CDC73: variants seen among roughly 807,000 people sequenced by gnomAD.
CDC73 encodes cell division cycle 73.
In CDC73, 21 loss-of-function variants were observed where a neutral mutation model predicts 83.7. The ratio of observed to expected loss-of-function variants is 0.25; its 90% CI spans 0.18 to 0.36. CDC73 has a LOEUF of 0.36. Among genes scored for constraint, CDC73 ranks in the 10% least tolerant of loss-of-function variants. CDC73 has a pLI of 1.00. For missense variants in CDC73, 342 were observed against 653.3 expected, an observed-to-expected ratio of 0.52 and a Z score of 5.19; for synonymous variants, 224 against 212.9, an observed-to-expected ratio of 1.05 and a Z score of -0.45.
chr1:193,189,098 C>T (rs945107036), intron 10 of CDC73, among the ~76,000 whole-genome samples: 12 of 151,900 alleles, frequency 7.9e-5, no homozygotes, highest in African/African-American at 2.7e-4. Context: ...GGATTACAGG[C>T]GTGTGCCACC....
Position 193,183,854 on chromosome 1 carries a change from A to T in CDC73, c.973-19941A>T, listed in dbSNP as rs141916432. 4.6e-3 allele frequency among the ~76,000 whole-genome samples: 702 copies of T among 151,872 alleles called. 6 individuals are homozygous for T. The highest frequency in any genetic ancestry group is 0.016 in the African/African-American group (650 of 41,502). ...ATCTGGTTGAAGTCCAATTATACAG[A>T]TTTTTTTTAAAGTGTAAATTTGATG... On this transcript the variant is annotated intron_variant, in intron 10 of 16. Coordinates refer to ENST00000367435, the MANE Select transcript of CDC73 (RefSeq NM_024529.5).
At chr1:193,224,990 G>A (rs139462342) in intron 13 of CDC73, among the ~76,000 whole-genome samples, 32 of 152,052 alleles carry the variant, frequency 2.1e-4, no homozygotes, top group African/African-American at 7.2e-4. Flanking sequence ...CACCCGAACC[G>A]TATATGCTGA....
chr1:193,232,306 ACTTTTTCATTTCAAATGAC>A (rs971134982), intron 13 of CDC73, among the ~76,000 whole-genome samples: 6 of 152,208 alleles, frequency 3.9e-5, no homozygotes, highest in Admixed American at 1.3e-4. Context: ...AGCCACAACA[ACTTTTTCATTTCAAATGAC>A]CTTTTGATTT....
At chr1:193,156,744 G>T (rs561691969) in intron 10 of CDC73, among the ~76,000 whole-genome samples, 2 of 152,244 alleles carry the variant, frequency 1.3e-5, no homozygotes, top group African/African-American at 4.8e-5. Flanking sequence ...TTCTGGAGTT[G>T]AGTGTAGAGT....
At chr1:193,174,230 G>A (rs1244366211) in intron 10 of CDC73, among the ~76,000 whole-genome samples, 1 of 151,660 alleles carries the variant, frequency 6.6e-6, no homozygotes, top group African/African-American at 2.4e-5. Flanking sequence ...TGTTTGTCTG[G>A]AACATTCTTC....
At chr1:193,144,348 T>G (rs1675957858) in intron 7 of CDC73, among the ~76,000 whole-genome samples, 1 of 151,938 alleles carries the variant, frequency 6.6e-6, no homozygotes, top group Non-Finnish European at 1.5e-5. Context: ...AGGAAGATGT[T>G]AATCACCTGT....
chr1:193,167,641 G>T (rs1436267479), intron 10 of CDC73, among the ~76,000 whole-genome samples: 2 of 151,988 alleles, frequency 1.3e-5, no homozygotes, highest in Non-Finnish European at 2.9e-5. Context: ...TCTCAAATTT[G>T]CTTCACAGCC....
At chr1:193,177,358 C>CAAAAAAACAAAA (rs1676624262) in intron 10 of CDC73, among the ~76,000 whole-genome samples, 1 of 69,542 alleles carries the variant, frequency 1.4e-5, no homozygotes, top group African/African-American at 5.7e-5. Flanking sequence ...ACTAAAAATA[C>CAAAAAAACAAAA]AAAAAAAAAA....
chr1:193,180,121 A>T (rs1676686838), intron 10 of CDC73: 2 of 554,494 alleles, frequency 3.6e-6, no homozygotes, highest in African/African-American at 2.0e-5. Flanking sequence ...CTTTTTTGTT[A>T]TATAATGTTA....
At chr1:193,210,276 T>C in intron 11 of CDC73, among the ~76,000 whole-genome samples, 1 of 152,220 alleles carries the variant, frequency 6.6e-6, no homozygotes, top group East Asian at 1.9e-4. Flanking sequence ...AGTGAAAATG[T>C]AGCATTTTGT....
intron 11 of CDC73, among the ~76,000 whole-genome samples, chr1:193,207,527 C>T (rs771159434): frequency 6.6e-6 from 1 of 152,256 alleles, no homozygotes; most frequent in South Asian, 2.1e-4. Context: ...ATAGACCTCC[C>T]CCCAGAAATG....
At chr1:193,164,283 G>T (rs1676394489) in intron 10 of CDC73, among the ~76,000 whole-genome samples, 1 of 152,174 alleles carries the variant, frequency 6.6e-6, no homozygotes, top group Non-Finnish European at 1.5e-5. Context: ...CAGTGTGGAG[G>T]TTTTGTTGCC....
intron 15 of CDC73, among the ~76,000 whole-genome samples, chr1:193,238,809 G>T (rs1034776502): frequency 2.6e-5 from 4 of 152,204 alleles, no homozygotes; most frequent in Non-Finnish European, 5.9e-5. Context: ...TGTTCATTAA[G>T]TGGGAGTGGG....
At chr1:193,225,661 ATGT>A (rs1270797095) in intron 13 of CDC73, among the ~76,000 whole-genome samples, 1 of 151,938 alleles carries the variant, frequency 6.6e-6, no homozygotes, top group African/African-American at 2.4e-5. Context: ...ATCATTAGTG[ATGT>A]TGAGCATTTT....
In CDC73 at chr1:193,187,102, T is replaced by TCC. The variant is rs3079946; in HGVS notation, c.973-16684_973-16683dup. The stretch of plus-strand genomic sequence containing the variant: ...AAACCATGTATCTTTGTAATTTAGA[T>TCC]CCCCCCCCCCGTTTTCTGGGGTTTG... On this transcript the variant is annotated intron_variant, in intron 10 of 16. Coordinates refer to ENST00000367435, the MANE Select transcript of CDC73 (RefSeq NM_024529.5). 6.8e-3 allele frequency among the ~76,000 whole-genome samples: 224 copies of TCC among 32,860 alleles called. 51 individuals are homozygous for TCC. Among genetic ancestry groups the TCC allele is most frequent in the African/African-American group, 0.018 (184 of 10,032 alleles). The allele number at this position is 32,860 out of a possible 152,430, so 21.6% of individuals were successfully genotyped here.
chr1:193,134,103 C>G (rs1231473926), intron 3 of CDC73, among the ~76,000 whole-genome samples: 3 of 151,816 alleles, frequency 2.0e-5, no homozygotes, highest in Non-Finnish European at 4.4e-5. Flanking sequence ...GGAACTTTAT[C>G]CTAGAGGTAT....
chr1:193,175,239 T>C (rs1258046272), intron 10 of CDC73, among the ~76,000 whole-genome samples: 3 of 152,142 alleles, frequency 2.0e-5, no homozygotes, highest in Non-Finnish European at 4.4e-5. Flanking sequence ...GGCAACAGAT[T>C]ATGTGGATAT....
rs564973016 is a variant in CDC73 at position 193,219,076 on chromosome 1, A to T, written c.1154+6599A>T. On this transcript the variant is annotated intron_variant, in intron 13 of 16. Transcript: ENST00000367435. Reference sequence around the variant, plus strand: ...TAAAACAAACAGTCCTGAGCAAAGGACACGAACAGACACTTCTCAAAAGAA... The same window carrying T: ...TAAAACAAACAGTCCTGAGCAAAGGTCACGAACAGACACTTCTCAAAAGAA... 1.1e-4 allele frequency among the ~76,000 whole-genome samples: 16 copies of T among 152,322 alleles called. No individual in the cohort carries two copies. In the East Asian group the frequency reaches 2.7e-3, roughly 26 times the overall value.
At chr1:193,187,642 T>G (rs1676842177) in intron 10 of CDC73, among the ~76,000 whole-genome samples, 1 of 152,162 alleles carries the variant, frequency 6.6e-6, no homozygotes, top group Admixed American at 6.5e-5. Flanking sequence ...AAGCTAAAGG[T>G]TAACAGTTAT....
Sources: gnomAD v4.1 joint callset for allele counts (sites outside exome capture counted in the v4.1 genomes callset) on GRCh38, gnomAD v4.1.1 for gene constraint, MANE v1.5 for transcripts, NCBI Gene and HGNC (gene_info 2026-07-23, HGNC 2026-07-21) for gene names.